The following SH2D4B variants were observed in gnomAD, a reference collection of about 807,000 sequenced individuals.
SH2D4B encodes the protein SH2 domain-containing protein 4B.
A neutral mutation model predicts 61.5 loss-of-function variants in SH2D4B; 45 were observed. The ratio of observed to expected loss-of-function variants is 0.73; its 90% confidence interval spans 0.58 to 0.94. SH2D4B has a LOEUF of 0.94. SH2D4B is among the 40% of genes least tolerant of loss of function. The pLI is 0.00. For synonymous variants in SH2D4B, 224 were observed against 220.4 expected (o/e 1.02, Z -0.14); for missense variants, 572 against 574.2 (o/e 1.00, Z 0.04).
At chr10:80,638,033 A>G (rs1402879538) in intron 7 of SH2D4B, among the ~76,000 whole-genome samples, 3 of 152,138 alleles carry the variant, frequency 2.0e-5, no homozygotes, top group African/African-American at 7.2e-5. Context: ...TTCTGCATCT[A>G]TTGTGATAAT....
intron 6 of SH2D4B, among the ~76,000 whole-genome samples, chr10:80,610,975 A>G (rs955028534): frequency 2.6e-5 from 4 of 152,008 alleles, no homozygotes; most frequent in African/African-American, 9.7e-5. Flanking sequence ...GTTTGAAACC[A>G]GCCTGGCCAA....
At chr10:80,641,519 A>T (rs867393509) in intron 7 of SH2D4B, among the ~76,000 whole-genome samples, 3 of 152,252 alleles carry the variant, frequency 2.0e-5, no homozygotes, top group African/African-American at 7.2e-5. Context: ...TGAGGGAGGC[A>T]TCTTAACCCC....
At position 80,609,430 on chromosome 10, in the gene SH2D4B, C is replaced by G; in HGVS notation, c.867C>G (p.Thr289=). 6.2e-7 allele frequency: 1 copy of G among 1,613,792 alleles called. No individual in the cohort carries two copies. The stretch of plus-strand genomic sequence containing the variant: ...CCACTTTCTTTCTCTTCAGCAGGAC[C>G]TGGGAGCGCCCGCTGCGCCCAGTCT... ...PQPLALPVSR[T]WERPLRPVSR... The change falls in exon 6 of 8, where the codon ACC becomes ACG. Residue 289 remains threonine, a synonymous_variant. Transcript: ENST00000646907.
intron 1 of SH2D4B, among the ~76,000 whole-genome samples, chr10:80,544,260 T>C (rs998675134): frequency 3.3e-5 from 5 of 151,926 alleles, no homozygotes; most frequent in African/African-American, 7.3e-5. Context: ...GCTGTAACAG[T>C]CACCACAAAG....
At chr10:80,608,507 A>G (rs1480199100) in intron 5 of SH2D4B, among the ~76,000 whole-genome samples, 1 of 152,236 alleles carries the variant, frequency 6.6e-6, no homozygotes, top group Non-Finnish European at 1.5e-5. Context: ...GTGTGCTGCC[A>G]GCTCTTAACT....
rs368307129 is a variant in SH2D4B, at chr10:80,549,486, G to T, written c.184+10971G>T. 5.3e-5 allele frequency among the ~76,000 whole-genome samples: 8 copies of T among 152,128 alleles called. No individual in the cohort carries two copies. The East Asian group carries it at 7.7e-4, about 15-fold the overall frequency. ...GTGCAGATGAGTGAGCTCCTCAGGG[G>T]TGTAGTCTCAGCATCTCCCCTGGAG... On this transcript the variant is annotated intron_variant, in intron 1 of 7. Transcript: ENST00000646907.
chr10:80,625,063 T>A (rs1589361795), intron 6 of SH2D4B, among the ~76,000 whole-genome samples: 1 of 152,350 alleles, frequency 6.6e-6, no homozygotes, highest in South Asian at 2.1e-4. Context: ...GCTTCATTTA[T>A]TGCTATATAT....
At chr10:80,561,697 C>T (rs764083185) in intron 1 of SH2D4B, among the ~76,000 whole-genome samples, 6 of 152,108 alleles carry the variant, frequency 3.9e-5, no homozygotes, top group Non-Finnish European at 8.8e-5. Context: ...AAGAAATTAA[C>T]ATGGCTAATA....
rs1283153702 is a variant in SH2D4B at position 80,572,984 on chromosome 10, A to ATTTTTTTTTTTTTTTT, written c.495+1407_495+1408insTTTTTTTTTTTTTTTT. On this transcript the variant is annotated intron_variant, in intron 3 of 7. Coordinates refer to ENST00000646907, the MANE Select transcript of SH2D4B (RefSeq NM_001388272.1). ...TATATATATATATATATATATATATATATTTTTTTTTTTTTTTTTTTTTTT... is the reference window on the plus strand; with the variant it reads ...TATATATATATATATATATATATATATTTTTTTTTTTTTTTTTATTTTTTTTTTTTTTTTTTTTTTT... 1.9e-3 allele frequency among the ~76,000 whole-genome samples: 16 copies of ATTTTTTTTTTTTTTTT among 8,292 alleles called. 2 individuals are homozygous for ATTTTTTTTTTTTTTTT. The highest frequency in any genetic ancestry group is 4.7e-3 in the Admixed American group (2 of 430). 5.4% of individuals were successfully genotyped at this position (8,292 alleles called of 152,430 possible).
At chr10:80,558,526 G>T (rs1017682838) in intron 1 of SH2D4B, among the ~76,000 whole-genome samples, 2 of 152,026 alleles carry the variant, frequency 1.3e-5, no homozygotes, top group Non-Finnish European at 2.9e-5. Flanking sequence ...TGTCACCCAG[G>T]CTGGAGTGCA....
chr10:80,566,234 G>T (rs1841967040), intron 1 of SH2D4B, among the ~76,000 whole-genome samples: 1 of 150,334 alleles, frequency 6.7e-6, no homozygotes, highest in Admixed American at 6.7e-5. Flanking sequence ...GGGACATCTT[G>T]TCACTCATAG....
At chr10:80,590,061 C>T (rs1005054910) in intron 4 of SH2D4B, among the ~76,000 whole-genome samples, 16 of 152,240 alleles carry the variant, frequency 1.1e-4, no homozygotes, top group African/African-American at 2.9e-4. Context: ...ACAGGAGGCA[C>T]GGCAGGCCAT....
At chr10:80,544,319 G>A (rs950841420) in intron 1 of SH2D4B, among the ~76,000 whole-genome samples, 1 of 152,108 alleles carries the variant, frequency 6.6e-6, no homozygotes, top group African/African-American at 2.4e-5. Context: ...CCACCAGAAG[G>A]AAGAAACTCC....
In SH2D4B at chr10:80,570,324, G is replaced by A. The variant is rs376239620; in HGVS notation, c.347+8G>A. The A allele has an allele frequency of 6.2e-7, 1 of 1,612,022 alleles. No homozygotes were observed. Among genetic ancestry groups the A allele is most frequent in the East Asian group, 2.2e-5 (1 of 44,854 alleles). On this transcript the variant is annotated splice_region_variant and intron_variant, in intron 2 of 7. Coordinates refer to ENST00000646907, the MANE Select transcript of SH2D4B (RefSeq NM_001388272.1). ...GGAAGCTGAGGAGCTCTGGTGAGGG[G>A]TGCTATGGGGTGTTGGGTGGGGCCT...
intron 3 of SH2D4B, among the ~76,000 whole-genome samples, chr10:80,580,627 C>A (rs1842176229): frequency 6.6e-6 from 1 of 152,154 alleles, no homozygotes; most frequent in Admixed American, 6.5e-5. Context: ...TTTAAAGTTT[C>A]TCATGAGTCC....
intron 1 of SH2D4B, among the ~76,000 whole-genome samples, chr10:80,544,688 A>G (rs942092427): frequency 3.3e-5 from 5 of 152,140 alleles, no homozygotes; most frequent in Non-Finnish European, 4.4e-5. Context: ...AGACATTCCC[A>G]TGGTGGCCCT....
At chr10:80,610,857 A>G (rs1842588948) in intron 6 of SH2D4B, among the ~76,000 whole-genome samples, 1 of 152,184 alleles carries the variant, frequency 6.6e-6, no homozygotes, top group Non-Finnish European at 1.5e-5. Flanking sequence ...CTCAGCCTGA[A>G]GGAGCTGCCT....
intron 7 of SH2D4B, among the ~76,000 whole-genome samples, chr10:80,642,412 T>A (rs1446643822): frequency 1.3e-5 from 2 of 152,226 alleles, no homozygotes; most frequent in East Asian, 3.8e-4. Context: ...ACTATTTAGG[T>A]TTTGCACCTT....
At chr10:80,575,437 G>A (rs1423928666) in intron 3 of SH2D4B, among the ~76,000 whole-genome samples, 1 of 151,994 alleles carries the variant, frequency 6.6e-6, no homozygotes, top group Non-Finnish European at 1.5e-5. Flanking sequence ...TGCTGCTGTA[G>A]CACAATAGCA....
Sources: allele counts gnomAD v4.1 joint callset (sites outside exome capture counted in the v4.1 genomes callset), GRCh38; gene constraint gnomAD v4.1.1; transcripts MANE v1.5; gene names NCBI Gene and HGNC (gene_info 2026-07-23, HGNC 2026-07-21).